Variants in ASAP1 observed in about 807,000 individuals in gnomAD.
The protein encoded by ASAP1 is ArfGAP with SH3 domain, ankyrin repeat and PH domain 1.
Under a neutral mutation model 145.2 loss-of-function variants are expected in ASAP1, and 43 were observed. The observed-to-expected ratio is 0.30, with a 90% confidence interval of 0.23 to 0.38. The LOEUF (loss-of-function observed/expected upper bound fraction) is 0.38, where lower values mean the gene tolerates loss of function less well. ASAP1 is among the 10% of genes least tolerant of loss of function. The pLI, the probability that ASAP1 is intolerant of heterozygous loss-of-function variation, is 1.00. For synonymous variants in ASAP1, 546 were observed against 515.5 expected (o/e 1.06, Z -0.80); for missense variants, 1,018 against 1,355.3 (o/e 0.75, Z 3.91).
chr8:130,197,307 A>G (rs975381533), intron 5 of ASAP1, among the ~76,000 whole-genome samples: 4 of 152,222 alleles, frequency 2.6e-5, no homozygotes, highest in African/African-American at 4.8e-5. Context: ...GTGCATGCCT[A>G]AACCTCAGCT....
intron 3 of ASAP1, among the ~76,000 whole-genome samples, chr8:130,293,930 T>C (rs1336766019): frequency 6.6e-6 from 1 of 152,178 alleles, no homozygotes; most frequent in Non-Finnish European, 1.5e-5. Context: ...AAAACAGACT[T>C]TCCTCCTGCC....
At chr8:130,152,658 G>T in intron 13 of ASAP1, 78 bp downstream of exon 13, 3 of 959,366 alleles carry the variant, frequency 3.1e-6, no homozygotes, top group Non-Finnish European at 4.6e-6. Flanking sequence ...ATATATTTGC[G>T]CCAATTTTTA....
At chr8:130,204,508 C>A (rs147507474) in intron 5 of ASAP1, among the ~76,000 whole-genome samples, 9 of 152,128 alleles carry the variant, frequency 5.9e-5, no homozygotes, top group Non-Finnish European at 1.3e-4. Context: ...ACAGATGAGG[C>A]AGAGGATAAT....
At chr8:130,098,500 C>T (rs1246822675) in intron 24 of ASAP1, among the ~76,000 whole-genome samples, 2 of 152,118 alleles carry the variant, frequency 1.3e-5, no homozygotes, top group Non-Finnish European at 2.9e-5. Context: ...CCTGCCACCA[C>T]GCCCGGCTAA....
At chr8:130,310,652 T>C (rs191418221) in intron 3 of ASAP1, among the ~76,000 whole-genome samples, 16 of 151,794 alleles carry the variant, frequency 1.1e-4, no homozygotes, top group African/African-American at 3.1e-4. Flanking sequence ...ACACTATTTA[T>C]AGAGTCAATC....
chr8:130,404,487 AT>A (rs1828937641), intron 1 of ASAP1, among the ~76,000 whole-genome samples: 1 of 152,214 alleles, frequency 6.6e-6, no homozygotes, highest in East Asian at 1.9e-4. Context: ...TTCCTATAAT[AT>A]TGACCTCCAG....
intron 3 of ASAP1, among the ~76,000 whole-genome samples, chr8:130,259,964 C>T (rs1819794523): frequency 6.6e-6 from 1 of 152,162 alleles, no homozygotes; most frequent in South Asian, 2.1e-4. Context: ...TGCCAAGTGA[C>T]TCTTCTCTCT....
rs1416694629 is a variant in ASAP1 at position 130,077,696 on chromosome 8, A to T, written c.2643-1290T>A. ...GCATTTAAAAGAAAAGAAAAAGCCA[A>T]ACCAACCAACAAAACAAAAAGTAGT... On this transcript the variant is annotated intron_variant, in intron 26 of 29. Coordinates refer to ENST00000518721, the MANE Select transcript of ASAP1 (RefSeq NM_018482.4). Among the ~76,000 whole-genome samples, 71 of 151,996 alleles carry T rather than the reference A, an allele frequency of 4.7e-4. 1 individual carries two copies. The highest frequency in any genetic ancestry group is 4.5e-3 in the Admixed American group (69 of 15,252).
intron 3 of ASAP1, among the ~76,000 whole-genome samples, chr8:130,284,842 T>TACACACACACACACACAC (rs34799517): frequency 4.0e-4 from 56 of 141,626 alleles, no homozygotes; most frequent in African/African-American, 1.0e-3. Context: ...TTTTACACTC[T>TACACACACACACACACAC]ACACACACAC....
intron 5 of ASAP1, among the ~76,000 whole-genome samples, chr8:130,208,390 A>G (rs561578452): frequency 6.6e-6 from 1 of 152,310 alleles, no homozygotes; most frequent in South Asian, 2.1e-4. Context: ...CCATCAATAC[A>G]AAGCAACTCC....
At chr8:130,268,844 G>GA (rs1475035422) in intron 3 of ASAP1, among the ~76,000 whole-genome samples, 1 of 152,114 alleles carries the variant, frequency 6.6e-6, no homozygotes, top group East Asian at 1.9e-4. Flanking sequence ...TTTGTTAAAC[G>GA]AAATTCTTTC....
intron 3 of ASAP1, among the ~76,000 whole-genome samples, chr8:130,244,475 C>G (rs1274585521): frequency 6.6e-6 from 1 of 152,162 alleles, no homozygotes; most frequent in African/African-American, 2.4e-5. Flanking sequence ...ATCTCCTCAT[C>G]TGAAAGGGTA....
intron 2 of ASAP1, among the ~76,000 whole-genome samples, chr8:130,369,371 A>G (rs1029222005): frequency 6.6e-6 from 1 of 152,234 alleles, no homozygotes; most frequent in Non-Finnish European, 1.5e-5. Flanking sequence ...ATACAATGAA[A>G]TATCAGAAAG....
At position 130,060,762 on chromosome 8, in the gene ASAP1, C is replaced by G. The variant is rs200760463; in HGVS notation, c.3009G>C (p.Gln1003His). ...PQLGDLLAKS[Q>H]TGDVSPKAQQ... Reference sequence around the variant, plus strand: ...GAGCCTTGGGTGAGACATCTCCAGTCTGGGATTTTGCTAGCAGGTCTCCCA... The same window carrying G: ...GAGCCTTGGGTGAGACATCTCCAGTGTGGGATTTTGCTAGCAGGTCTCCCA... Residue 1003 changes from glutamine (Q) to histidine (H), a missense_variant, in exon 28 of 30, where the codon CAG becomes CAC. This residue lies in a region of ASAP1 where 139 missense variants were observed against 131.0 expected (regional missense o/e 1.06). Coordinates refer to ENST00000518721, the MANE Select transcript of ASAP1 (RefSeq NM_018482.4). 14 of 1,614,128 alleles carry G rather than the reference C, an allele frequency of 8.7e-6. No homozygotes were observed. Among genetic ancestry groups the G allele is most frequent in the Middle Eastern group, 3.3e-4 (2 of 6,062 alleles).
chr8:130,300,423 G>A (rs1822593815), intron 3 of ASAP1, among the ~76,000 whole-genome samples: 1 of 152,116 alleles, frequency 6.6e-6, no homozygotes, highest in African/African-American at 2.4e-5. Flanking sequence ...AAAACTCTCT[G>A]CCTTGTGTAG....
intron 3 of ASAP1, among the ~76,000 whole-genome samples, chr8:130,320,477 C>T (rs1823932601): frequency 6.6e-6 from 1 of 151,970 alleles, no homozygotes; most frequent in African/African-American, 2.4e-5. Context: ...ATGGCTTGAG[C>T]CCGGGAGGTG....
At chr8:130,112,484 G>A in intron 23 of ASAP1, 162 bp from the exon 24 acceptor site, 3 of 598,702 alleles carry the variant, frequency 5.0e-6, no homozygotes, top group South Asian at 2.0e-5. Context: ...CACAGTACAA[G>A]GGAAGGATCT....
At chr8:130,199,862 T>C (rs1240684020) in intron 5 of ASAP1, among the ~76,000 whole-genome samples, 3 of 152,240 alleles carry the variant, frequency 2.0e-5, no homozygotes, top group Non-Finnish European at 4.4e-5. Flanking sequence ...AACAGTTCTG[T>C]GGTAAAGCCG....
chr8:130,366,373 A>T (rs1307568564), intron 2 of ASAP1, among the ~76,000 whole-genome samples: 2 of 152,222 alleles, frequency 1.3e-5, no homozygotes, highest in South Asian at 4.1e-4. Context: ...CCCACCCTTT[A>T]CCCAGAGAAG....
Sources: allele counts gnomAD v4.1 joint callset (sites outside exome capture counted in the v4.1 genomes callset), GRCh38; gene constraint gnomAD v4.1.1; regional missense constraint gnomAD v4.1.1; transcripts MANE v1.5; gene names NCBI Gene and HGNC (gene_info 2026-07-23, HGNC 2026-07-21).